The following TBL3 variants were observed in gnomAD, a reference collection of about 807,000 sequenced individuals.
TBL3 encodes the protein transducin beta-like protein 3.
Under a neutral mutation model 102.7 loss-of-function variants are expected in TBL3, and 71 were observed. The ratio of observed to expected loss-of-function variants is 0.69; its 90% confidence interval spans 0.57 to 0.84. The LOEUF (loss-of-function observed/expected upper bound fraction) is 0.84. Ranked by LOEUF, TBL3 falls within the 40% of genes least tolerant of loss-of-function variation. The pLI, the probability that TBL3 is intolerant of heterozygous loss-of-function variation, is 0.00. For synonymous variants in TBL3, 578 were observed against 477.7 expected, an observed-to-expected ratio of 1.21 and a Z score of -2.74; for missense variants, 1,188 against 1,098.5, an observed-to-expected ratio of 1.08 and a Z score of -1.15.
At position 1,975,279 on chromosome 16, in the gene TBL3, G is replaced by A. The variant is rs745567599; in HGVS notation, c.711+17G>A. On this transcript the variant is annotated intron_variant, in intron 8 of 21. Coordinates refer to ENST00000568546, the MANE Select transcript of TBL3 (RefSeq NM_006453.3). Reference sequence around the variant, plus strand: ...GTGTTTGAGGTGGGGATGCCTGGAGGCCAGGGCTGGTTGAGTTGGGTGGGG... The same window carrying A: ...GTGTTTGAGGTGGGGATGCCTGGAGACCAGGGCTGGTTGAGTTGGGTGGGG... 3.7e-6 allele frequency: 6 copies of A among 1,613,998 alleles called. No homozygotes were observed. The East Asian group carries it at 1.3e-4, about 36-fold the overall frequency.
At position 1,975,830 on chromosome 16, in the gene TBL3, T is replaced by C; in HGVS notation, c.1010T>C (p.Val337Ala). 6.2e-7 allele frequency: 1 copy of C among 1,613,876 alleles called. No homozygotes were observed. Among genetic ancestry groups the C allele is most frequent in the Non-Finnish European group, 8.5e-7 (1 of 1,179,974 alleles). ...QKQFAGYSEE[V>A]LDVRFLGPED... ...CAGTTCGCTGGCTACAGTGAGGAGG[T>C]TTTGGATGTCCGGTTTCTTGGGCCC... Residue 337 changes from valine to alanine, a missense_variant, in exon 11 of 22, where the codon GTT becomes GCT. Coordinates refer to ENST00000568546, the MANE Select transcript of TBL3 (RefSeq NM_006453.3).
chr16:1,979,594 C>G lies in TBL3; in HGVS notation c.*909C>G. Reference sequence around the variant, plus strand: ...CCGCGGGGCCACAGAGGACGAGGCCCGCCCGCACCCTTCTCCACATTCTCC... The same window carrying G: ...CCGCGGGGCCACAGAGGACGAGGCCGGCCCGCACCCTTCTCCACATTCTCC... On this transcript the variant is annotated 3_prime_UTR_variant, in exon 22 of 22. Transcript: ENST00000568546. The G allele has an allele frequency of 6.8e-7, 1 of 1,471,256 alleles. No homozygotes were observed. The highest frequency in any genetic ancestry group is 9.4e-7 in the Non-Finnish European group (1 of 1,063,838). 91.1% of individuals were successfully genotyped at this position (1,471,256 alleles called of 1,614,324 possible).
chr16:1,972,561 CG>C (rs2083368198), intron 1 of TBL3, among the ~76,000 whole-genome samples: 1 of 152,182 alleles, frequency 6.6e-6, no homozygotes, highest in Non-Finnish European at 1.5e-5. Context: ...TCTGAGCAGT[CG>C]GCCTGGGGAC....
Position 1,978,048 on chromosome 16 carries a change from G to C in TBL3, c.2049G>C (p.Leu683=). The C allele has an allele frequency of 6.2e-7, 1 of 1,605,396 alleles. No individual in the cohort carries two copies. Among genetic ancestry groups the C allele is most frequent in the East Asian group, 2.2e-5 (1 of 44,778 alleles). The stretch of plus-strand genomic sequence containing the variant: ...CCCTGGATCGGCCCCACACCGTGCT[G>C]ACTGTCATCCAGGGTCAGTGCCCAC... ...AISLDRPHTV[L]TVIQAIRRDP... Residue 683 remains leucine, a synonymous_variant, in exon 19 of 22, where the codon CTG becomes CTC. Coordinates refer to ENST00000568546, the MANE Select transcript of TBL3 (RefSeq NM_006453.3).
Position 1,978,038 on chromosome 16 carries a change from A to G in TBL3, c.2039A>G (p.His680Arg), listed in dbSNP as rs2083418814. The G allele has an allele frequency of 6.2e-7, 1 of 1,606,722 alleles. No individual in the cohort carries two copies. The highest frequency in any genetic ancestry group is 8.5e-7 in the Non-Finnish European group (1 of 1,176,436). ...CTGGCCATCTCCCTGGATCGGCCCC[A>G]CACCGTGCTGACTGTCATCCAGGGT... ...LGLAISLDRP[H>R]TVLTVIQAIR... is the part of the protein sequence containing the mutation. The change falls in exon 19 of 22, where the codon CAC (histidine) becomes CGC (arginine). Residue 680 changes from histidine (H) to arginine (R), a missense_variant. By Grantham distance (29) the His-to-Arg change is conservative (BLOSUM62 0). Transcript: ENST00000568546.
chr16:1,977,340 A>ACC lies in TBL3; in HGVS notation c.1672-11_1672-10dup. The stretch of plus-strand genomic sequence containing the variant: ...CCGCCCTGGTGACATCTCATGCCCT[A>ACC]CCCCCCACCTTGCAGACATTTGAGG... On this transcript the variant is annotated splice_polypyrimidine_tract_variant and intron_variant, in intron 15 of 21. Coordinates refer to ENST00000568546, the MANE Select transcript of TBL3 (RefSeq NM_006453.3). 6.2e-7 allele frequency: 1 copy of ACC among 1,612,110 alleles called. No homozygotes were observed. Among genetic ancestry groups the ACC allele is most frequent in the Non-Finnish European group, 8.5e-7 (1 of 1,179,740 alleles).
rs1938254351 is a variant in TBL3, at chr16:1,980,666, T to C, written c.*1981T>C. On this transcript the variant is annotated 3_prime_UTR_variant, in exon 22 of 22. Transcript: ENST00000568546. ...CCAGGCTGGCCTGACCGAGAAGCTT[T>C]GGGAGAACGCGGTCAGATCTCCGCA... The C allele has an allele frequency of 1.2e-6, 2 of 1,606,762 alleles. No homozygotes were observed. Among genetic ancestry groups the C allele is most frequent in the Non-Finnish European group, 1.7e-6 (2 of 1,176,996 alleles).
At position 1,980,145 on chromosome 16, in the gene TBL3, AAG is replaced by A. The variant is rs2083471793; in HGVS notation, c.*1463_*1464del. 3 of 1,605,822 alleles carry A rather than the reference AAG, an allele frequency of 1.9e-6. No individual in the cohort carries two copies. Among genetic ancestry groups the A allele is most frequent in the African/African-American group, 1.3e-5 (1 of 74,982 alleles). ...TGGAGAGGCGGCCCGCAGCGCGAGAAAGAGGCTGCTCCTCTGGGGTGGGCAGG... is the reference window on the plus strand; with the variant it reads ...TGGAGAGGCGGCCCGCAGCGCGAGAAAGGCTGCTCCTCTGGGGTGGGCAGG... On this transcript the variant is annotated 3_prime_UTR_variant, in exon 22 of 22. Coordinates refer to ENST00000568546, the MANE Select transcript of TBL3 (RefSeq NM_006453.3).
Position 1,974,093 on chromosome 16 carries a change from G to A in TBL3, c.79G>A (p.Gly27Ser), listed in dbSNP as rs2083379549. 1.3e-6 allele frequency: 2 copies of A among 1,585,692 alleles called. No individual in the cohort carries two copies. The highest frequency in any genetic ancestry group is 8.6e-7 in the Non-Finnish European group (1 of 1,160,700). Residue 27 changes from glycine (G) to serine (S), a missense_variant, in exon 2 of 22, where the codon GGC becomes AGC. Transcript: ENST00000568546. ...GCGCAAAATTGAGCCTTTCTACAAG[G>A]GCGGAAAAGCACAGGTACCAGCCTG... ...VERKIEPFYK[G>S]GKAQLDQTGQ... is the part of the protein sequence containing the mutation.
chr16:1,979,902 G>C lies in TBL3; in HGVS notation c.*1217G>C, dbSNP rs1451324618. 10 of 1,582,660 alleles carry C rather than the reference G, an allele frequency of 6.3e-6. No homozygotes were observed. Among genetic ancestry groups the C allele is most frequent in the Non-Finnish European group, 7.7e-6 (9 of 1,165,218 alleles). ...GGTCTTCGTTCTCCACCAGCCACCA[G>C]CCTGTGCGCAAGAAGCGGGCAGGGA... is the stretch of plus-strand genomic sequence containing the variant. On this transcript the variant is annotated 3_prime_UTR_variant, in exon 22 of 22. Transcript: ENST00000568546.
In TBL3 at chr16:1,980,417, GC is replaced by G; in HGVS notation, c.*1734del. On this transcript the variant is annotated 3_prime_UTR_variant, in exon 22 of 22. Transcript: ENST00000568546. ...GGTCCAGGGGTTGCGGTGCGAAGAAGCCAGTGATCGTCGGGCTCCGTGCCAC... is the reference window on the plus strand; with the variant it reads ...GGTCCAGGGGTTGCGGTGCGAAGAAGCAGTGATCGTCGGGCTCCGTGCCAC... 1 of 1,602,902 alleles carries G rather than the reference GC, an allele frequency of 6.2e-7. No individual in the cohort carries two copies.
chr16:1,979,441 C>G lies in TBL3; in HGVS notation c.*756C>G. On this transcript the variant is annotated 3_prime_UTR_variant, in exon 22 of 22. Coordinates refer to ENST00000568546, the MANE Select transcript of TBL3 (RefSeq NM_006453.3). ...CCCGCGTACCTGCATAGCCACCAGCCGCGGTCTGACGTTTCCAACACGCGC... is the reference window on the plus strand; with the variant it reads ...CCCGCGTACCTGCATAGCCACCAGCGGCGGTCTGACGTTTCCAACACGCGC... 1.2e-6 allele frequency: 2 copies of G among 1,610,332 alleles called. No individual in the cohort carries two copies. Among genetic ancestry groups the G allele is most frequent in the South Asian group, 1.1e-5 (1 of 90,910 alleles).
chr16:1,972,783 G>T (rs1378655801), intron 1 of TBL3, among the ~76,000 whole-genome samples: 2 of 152,220 alleles, frequency 1.3e-5, no homozygotes, highest in African/African-American at 4.8e-5. Flanking sequence ...CCAAGCACTG[G>T]TAAAGGAAAG....
chr16:1,976,688 C>A, intron 13 of TBL3, 126 bp from the exon 14 acceptor site: 1 of 1,199,758 alleles, frequency 8.3e-7, no homozygotes, highest in Non-Finnish European at 1.2e-6. Context: ...GTGACCCAGG[C>A]CAACCCGCAT....
At chr16:1,974,165 AT>A (rs1689997249) in intron 2 of TBL3, 31 bp from the exon 3 acceptor site, 1 of 1,562,416 alleles carries the variant, frequency 6.4e-7, no homozygotes, top group Non-Finnish European at 8.7e-7. Flanking sequence ...GGGGTGCTGA[AT>A]GTTGCCTGGC....
rs1465288882 is a variant in TBL3, at chr16:1,975,594, C to G, written c.871C>G (p.Pro291Ala). The G allele has an allele frequency of 1.6e-5, 25 of 1,601,062 alleles. No individual in the cohort carries two copies. Among genetic ancestry groups the G allele is most frequent in the Non-Finnish European group, 2.1e-5 (25 of 1,179,460 alleles). The change falls in exon 10 of 22, where the codon CCT becomes GCT. Residue 291 changes from proline to alanine, a missense_variant. Transcript: ENST00000568546. ...GTACACGCAGGCCCAGCCGCCGGGC[C>G]CTGGGCAGGAGCTGACCCACTGCAC... is the stretch of plus-strand genomic sequence containing the variant. ...CVYTQAQPPGPGQELTHCTLA... is the reference protein window; with the variant it reads ...CVYTQAQPPGAGQELTHCTLA...
At position 1,979,708 on chromosome 16, in the gene TBL3, C is replaced by A; in HGVS notation, c.*1023C>A. ...AGACCAAGCACGGGCTCCTGGCCCG[C>A]CCTGCCCGCGGTGCTTCTGGCCCAG... On this transcript the variant is annotated 3_prime_UTR_variant, in exon 22 of 22. Transcript: ENST00000568546. 7.8e-7 allele frequency: 1 copy of A among 1,275,052 alleles called. No homozygotes were observed. Among genetic ancestry groups the A allele is most frequent in the Non-Finnish European group, 1.1e-6 (1 of 935,926 alleles). 79.0% of individuals were successfully genotyped at this position (1,275,052 alleles called of 1,614,324 possible). A position where few individuals can be genotyped will look rare whatever the true frequency, so the allele number is the denominator to read the frequency against.
At chr16:1,973,094 G>A (rs2083372590) in intron 1 of TBL3, among the ~76,000 whole-genome samples, 1 of 152,146 alleles carries the variant, frequency 6.6e-6, no homozygotes, top group African/African-American at 2.4e-5. Flanking sequence ...GCTAACGCAG[G>A]GCAGTGACAT....
chr16:1,975,984 C>T (rs1365463381), intron 11 of TBL3, 35 bp downstream of exon 11: 39 of 1,613,960 alleles, frequency 2.4e-5, no homozygotes, highest in Non-Finnish European at 3.3e-5. Context: ...ACCCTGGGAG[C>T]CGCCTCGGTC....
Sources: gnomAD v4.1 joint callset for allele counts (sites outside exome capture counted in the v4.1 genomes callset) on GRCh38, gnomAD v4.1.1 for gene constraint, MANE v1.5 for transcripts, NCBI Gene and HGNC (gene_info 2026-07-23, HGNC 2026-07-21) for gene names.